The following RSPH1 variants were observed in gnomAD, a reference collection of about 807,000 sequenced individuals.
RSPH1 encodes the protein radial spoke head 1 homolog.
Under a neutral mutation model 44.2 loss-of-function variants are expected in RSPH1, and 32 were observed. The observed-to-expected ratio is 0.72, with a 90% confidence interval of 0.55 to 0.97. The LOEUF is 0.97. Among genes scored for constraint, RSPH1 ranks in the 50% least tolerant of loss-of-function variants. The pLI is 0.00. For synonymous variants in RSPH1, 134 were observed against 147.3 expected (o/e 0.91, Z 0.65); for missense variants, 391 against 398.7 (o/e 0.98, Z 0.16).
chr21:42,487,707 C>T (rs931124558), intron 3 of RSPH1, among the ~76,000 whole-genome samples: 3 of 152,126 alleles, frequency 2.0e-5, no homozygotes, highest in Non-Finnish European at 4.4e-5. Flanking sequence ...CTTACATAAG[C>T]TTCTGGCTTA....
chr21:42,481,285 A>G lies in RSPH1; in HGVS notation c.573+1352T>C, dbSNP rs1019622231. On this transcript the variant is annotated intron_variant, in intron 6 of 8. Coordinates refer to ENST00000291536, the MANE Select transcript of RSPH1 (RefSeq NM_080860.4). ...TGGTACCAGCTCCCCTTCACCTTCC[A>G]TCATGAGTGGAAGCTTCCTGAGACC... Among the ~76,000 whole-genome samples, 6 of 152,108 alleles carry G rather than the reference A, an allele frequency of 3.9e-5. 1 individual carries two copies. The highest frequency in any genetic ancestry group is 8.8e-5 in the Non-Finnish European group (6 of 67,984).
intron 6 of RSPH1, among the ~76,000 whole-genome samples, chr21:42,480,384 A>G (rs1319360560): frequency 6.6e-6 from 1 of 152,170 alleles, no homozygotes; most frequent in Non-Finnish European, 1.5e-5. Flanking sequence ...GCTTACGCCT[A>G]TAGTCCCACC....
intron 3 of RSPH1, 92 bp downstream of exon 3, chr21:42,492,666 T>G: frequency 1.4e-6 from 1 of 735,880 alleles, no homozygotes; most frequent in Non-Finnish European, 2.4e-6. Context: ...ACTTTAAGCT[T>G]TCTCATACAT....
intron 6 of RSPH1, among the ~76,000 whole-genome samples, chr21:42,480,772 A>G (rs935659856): frequency 6.6e-6 from 1 of 151,856 alleles, no homozygotes; most frequent in Non-Finnish European, 1.5e-5. Context: ...AGCATTAGGT[A>G]GAGACAGCAG....
chr21:42,477,015 C>T lies in RSPH1; in HGVS notation c.727+276G>A, dbSNP rs1262110363. Among the ~76,000 whole-genome samples the T allele has an allele frequency of 1.4e-4, 10 of 70,178 alleles. No homozygotes were observed. The South Asian group carries it at 1.4e-3, about 10-fold the overall frequency. The allele number at this position is 70,178 out of a possible 152,430, so 46.0% of individuals were successfully genotyped here. On this transcript the variant is annotated intron_variant, in intron 7 of 8. Transcript: ENST00000291536. The stretch of plus-strand genomic sequence containing the variant: ...CTCTGTCCCACAGCCCGGGGGATGC[C>T]CCACACCCTCTGTCCCACAGCCCGG...
rs187799231 is a variant in RSPH1 at position 42,476,806 on chromosome 21, C to T, written c.727+485G>A. Reference sequence around the variant, plus strand: ...AACTCTGTTTCTTTCCTCTCCCCTCCGCTCTCCGGGAGTGTCCTCCAATCC... The same window carrying T: ...AACTCTGTTTCTTTCCTCTCCCCTCTGCTCTCCGGGAGTGTCCTCCAATCC... On this transcript the variant is annotated intron_variant, in intron 7 of 8. Transcript: ENST00000291536. 7.1e-3 allele frequency among the ~76,000 whole-genome samples: 1,075 copies of T among 152,268 alleles called. 4 individuals are homozygous for T. Among genetic ancestry groups the T allele is most frequent in the Non-Finnish European group, 0.011 (762 of 67,992 alleles).
chr21:42,486,444 G>A lies in RSPH1; in HGVS notation c.292C>T (p.Leu98=). 1 of 1,613,876 alleles carries A rather than the reference G, an allele frequency of 6.2e-7. No individual in the cohort carries two copies. Among genetic ancestry groups the A allele is most frequent in the Non-Finnish European group, 8.5e-7 (1 of 1,179,752 alleles). ...SRYEGEWAND[L]RHGHGVYYYI... ...TAGTATACGCCATGGCCGTGCCGCA[G>A]GTCATTTGCCCACTCTCCTGAAAGG... Residue 98 remains leucine (L), a synonymous_variant, in exon 4 of 9, where the codon CTG becomes TTG. Coordinates refer to ENST00000291536, the MANE Select transcript of RSPH1 (RefSeq NM_080860.4).
intron 6 of RSPH1, among the ~76,000 whole-genome samples, chr21:42,481,909 A>G (rs2054131346): frequency 6.6e-6 from 1 of 152,238 alleles, no homozygotes; most frequent in Non-Finnish European, 1.5e-5. Context: ...TTGGAAAGGA[A>G]AAAACAAGAG....
intron 8 of RSPH1, among the ~76,000 whole-genome samples, chr21:42,475,184 T>A (rs2054032251): frequency 1.3e-5 from 2 of 152,186 alleles, no homozygotes; most frequent in Admixed American, 6.5e-5. Flanking sequence ...ATCCCTGCCC[T>A]ATGAGCTGGC....
chr21:42,493,964 C>T (rs1257967797), intron 1 of RSPH1, among the ~76,000 whole-genome samples: 1 of 152,206 alleles, frequency 6.6e-6, no homozygotes, highest in Non-Finnish European at 1.5e-5. Flanking sequence ...ATTGCCCTGG[C>T]TGGTCTCAAA....
At chr21:42,475,791 C>A in intron 8 of RSPH1, 107 bp downstream of exon 8, 1 of 1,325,886 alleles carries the variant, frequency 7.5e-7, no homozygotes, top group South Asian at 1.4e-5. Flanking sequence ...TTCCTCGAGT[C>A]CCTGGGGCCC....
In RSPH1 at chr21:42,488,180, A is replaced by G. The variant is rs150599174; in HGVS notation, c.275-1719T>C. The stretch of plus-strand genomic sequence containing the variant: ...GTGACAGGAACAATGTGAACAAGAG[A>G]GATGAAGATCCCCAAATTGAGATAA... On this transcript the variant is annotated intron_variant, in intron 3 of 8. Coordinates refer to ENST00000291536, the MANE Select transcript of RSPH1 (RefSeq NM_080860.4). Among the ~76,000 whole-genome samples, 233 of 152,322 alleles carry G rather than the reference A, an allele frequency of 1.5e-3. 2 individuals carry two copies. Among genetic ancestry groups the G allele is most frequent in the South Asian group, 0.014 (68 of 4,830 alleles).
At chr21:42,483,384 A>G (rs986668357) in intron 5 of RSPH1, among the ~76,000 whole-genome samples, 1 of 152,076 alleles carries the variant, frequency 6.6e-6, no homozygotes, top group African/African-American at 2.4e-5. Context: ...TAATCGTTTC[A>G]TTCCCATAAC....
rs553993103 is a variant in RSPH1, at chr21:42,484,511, T to C, written c.501+1158A>G. ...AATAATTCTGTGTCAGATGACTGTA[T>C]TAGAATGTGCTTACATGACACACAG... On this transcript the variant is annotated intron_variant, in intron 5 of 8. Coordinates refer to ENST00000291536, the MANE Select transcript of RSPH1 (RefSeq NM_080860.4). Among the ~76,000 whole-genome samples the C allele has an allele frequency of 1.1e-4, 17 of 152,354 alleles. No individual in the cohort carries two copies. In the South Asian group the frequency reaches 3.5e-3, roughly 32 times the overall value.
chr21:42,479,725 T>TCA (rs2054106189), intron 6 of RSPH1, among the ~76,000 whole-genome samples: 1 of 101,692 alleles, frequency 9.8e-6, no homozygotes, highest in Non-Finnish European at 2.2e-5. Flanking sequence ...GTGTAGGAGG[T>TCA]TACACACACA....
intron 1 of RSPH1, among the ~76,000 whole-genome samples, chr21:42,495,580 T>C (rs1438167321): frequency 1.3e-5 from 2 of 152,196 alleles, no homozygotes; most frequent in Non-Finnish European, 2.9e-5. Flanking sequence ...TCCAAAGACC[T>C]GGGTCAGTTC....
At chr21:42,493,199 A>T in intron 1 of RSPH1, 120 bp from the exon 2 acceptor site, 1 of 830,226 alleles carries the variant, frequency 1.2e-6, no homozygotes, top group Non-Finnish European at 1.9e-6. Context: ...CCGGCACTAT[A>T]CTCAATTGTC....
chr21:42,495,415 T>A (rs2054278022), intron 1 of RSPH1, among the ~76,000 whole-genome samples: 1 of 152,210 alleles, frequency 6.6e-6, no homozygotes, highest in Non-Finnish European at 1.5e-5. Flanking sequence ...CAGACCATAG[T>A]GGCTGAGGTT....
At position 42,482,229 on chromosome 21, in the gene RSPH1, A is replaced by T. The variant is rs190560374; in HGVS notation, c.573+408T>A. Among the ~76,000 whole-genome samples the T allele has an allele frequency of 3.6e-4, 55 of 152,270 alleles. No homozygotes were observed. The East Asian group carries it at 8.3e-3, about 23-fold the overall frequency. ...CTCCTGAGTAGCTGGGATTACAGGC[A>T]TGCGCCACCATGCCCAGCTAATTTT... On this transcript the variant is annotated intron_variant, in intron 6 of 8. Coordinates refer to ENST00000291536, the MANE Select transcript of RSPH1 (RefSeq NM_080860.4).
Sources: allele counts gnomAD v4.1 joint callset (sites outside exome capture counted in the v4.1 genomes callset), GRCh38; gene constraint gnomAD v4.1.1; transcripts MANE v1.5; gene names NCBI Gene and HGNC (gene_info 2026-07-23, HGNC 2026-07-21).